Variants in RBFOX1 observed in about 807,000 individuals in gnomAD.
RBFOX1 encodes the protein RNA binding fox-1 homolog 1, also known as RNA binding protein fox-1 homolog 1.
In RBFOX1, 8 loss-of-function variants were observed where a neutral mutation model predicts 57.7. The observed-to-expected ratio is 0.14, with a 90% CI of 0.08 to 0.25. RBFOX1 has a LOEUF of 0.25. Ranked by LOEUF, RBFOX1 falls within the 10% of genes least tolerant of loss-of-function variation. The pLI is 1.00. For missense variants in RBFOX1, 611 were observed against 548.5 expected, an observed-to-expected ratio of 1.11 and a Z score of -1.14; for synonymous variants, 326 against 222.4, an observed-to-expected ratio of 1.47 and a Z score of -4.15.
intron 5 of RBFOX1, 120 bp downstream of exon 5, chr16:7,518,509 G>A: frequency 1.5e-6 from 2 of 1,343,256 alleles, no homozygotes; most frequent in Non-Finnish European, 2.0e-6. Context: ...CAGTCCCTAA[G>A]CCCACCCTCA....
intron 3 of RBFOX1, among the ~76,000 whole-genome samples, chr16:5,673,156 C>T (rs1286939126): frequency 2.0e-5 from 3 of 151,954 alleles, no homozygotes; most frequent in African/African-American, 4.8e-5. Context: ...TATAATTTAG[C>T]ATTAGAAAAG....
intron 3 of RBFOX1, among the ~76,000 whole-genome samples, chr16:5,642,609 C>T (rs7194784): frequency 0.084 from 12,812 of 152,098 alleles, 1,633 homozygotes; most frequent in African/African-American, 0.27. Context: ...TGTGCCTAGC[C>T]GCCCCCCCTT....
chr16:6,307,925 A>G (rs1340970240), intron 1 of RBFOX1, among the ~76,000 whole-genome samples: 1 of 147,886 alleles, frequency 6.8e-6, no homozygotes, highest in Non-Finnish European at 1.5e-5. Flanking sequence ...TTTATAAATT[A>G]TAATCATATA....
chr16:6,846,725 C>G (rs1359064807), intron 3 of RBFOX1, among the ~76,000 whole-genome samples: 1 of 152,142 alleles, frequency 6.6e-6, no homozygotes, highest in Non-Finnish European at 1.5e-5. Context: ...AGGCTGAGCT[C>G]TCAACATGAT....
chr16:6,365,015 A>C (rs1698947187), intron 2 of RBFOX1, among the ~76,000 whole-genome samples: 1 of 152,172 alleles, frequency 6.6e-6, no homozygotes, highest in African/African-American at 2.4e-5. Flanking sequence ...TACCTCCTTC[A>C]CTTGTAGCAT....
At chr16:7,197,509 T>A (rs2087029661) in intron 4 of RBFOX1, among the ~76,000 whole-genome samples, 1 of 150,332 alleles carries the variant, frequency 6.7e-6, no homozygotes, top group Non-Finnish European at 1.5e-5. Flanking sequence ...TGTAAAACTG[T>A]GTGGCCATGC....
At chr16:6,459,078 G>A (rs956023999) in intron 2 of RBFOX1, among the ~76,000 whole-genome samples, 1 of 152,236 alleles carries the variant, frequency 6.6e-6, no homozygotes. Flanking sequence ...GCTCACGCCT[G>A]TAATCCCAGC....
In RBFOX1 at chr16:7,161,135, A is replaced by G. The variant is rs368871188; in HGVS notation, c.27+109037A>G. Reference sequence around the variant, plus strand: ...ATCAAGACCAACCTCTGGGATTACAAAATAATTTTATACCACTTTCTATCT... The same window carrying G: ...ATCAAGACCAACCTCTGGGATTACAGAATAATTTTATACCACTTTCTATCT... On this transcript the variant is annotated intron_variant, in intron 4 of 15. Coordinates refer to ENST00000550418, the MANE Select transcript of RBFOX1 (RefSeq NM_018723.4). Among the ~76,000 whole-genome samples, 14 of 152,220 alleles carry G rather than the reference A, an allele frequency of 9.2e-5. No individual in the cohort carries two copies. The East Asian group carries it at 2.3e-3, about 25-fold the overall frequency.
intron 1 of RBFOX1, among the ~76,000 whole-genome samples, chr16:5,432,992 G>A (rs1019942705): frequency 1.3e-5 from 2 of 152,042 alleles, no homozygotes; most frequent in African/African-American, 4.8e-5. Context: ...CACCATGTTG[G>A]CCAGGGTGGT....
intron 2 of RBFOX1, among the ~76,000 whole-genome samples, chr16:6,468,494 T>C (rs1399251804): frequency 1.5e-4 from 23 of 152,306 alleles, no homozygotes; most frequent in South Asian, 2.1e-4. Flanking sequence ...CTAGAGATTA[T>C]GAGTGATGCA....
At chr16:6,053,734 T>G (rs1003589608) in intron 1 of RBFOX1, among the ~76,000 whole-genome samples, 5 of 152,282 alleles carry the variant, frequency 3.3e-5, no homozygotes, top group African/African-American at 1.2e-4. Flanking sequence ...TGTCTTAGTC[T>G]GTGCCTCACT....
At chr16:7,075,792 G>A (rs1451129171) in intron 4 of RBFOX1, among the ~76,000 whole-genome samples, 1 of 152,124 alleles carries the variant, frequency 6.6e-6, no homozygotes, top group East Asian at 1.9e-4. Context: ...GTTTTAGCCA[G>A]GATGGTCTTG....
intron 3 of RBFOX1, among the ~76,000 whole-genome samples, chr16:5,763,270 A>G (rs558599774): frequency 1.3e-5 from 2 of 152,102 alleles, no homozygotes; most frequent in African/African-American, 2.4e-5. Flanking sequence ...TTTGGCCTGG[A>G]CCCTCCTTAG....
chr16:5,636,536 G>A (rs1016046192), intron 3 of RBFOX1, among the ~76,000 whole-genome samples: 3 of 110,606 alleles, frequency 2.7e-5, no homozygotes, highest in Admixed American at 2.5e-4. Flanking sequence ...GATGGCCAGT[G>A]GCAAGGTCAG....
chr16:7,602,677 T>C (rs569476596), intron 9 of RBFOX1, among the ~76,000 whole-genome samples: 8 of 152,272 alleles, frequency 5.3e-5, no homozygotes, highest in African/African-American at 1.9e-4. Flanking sequence ...TAAGCCCGCA[T>C]GAGCTCTGTA....
chr16:5,721,582 T>A (rs984873411), intron 3 of RBFOX1, among the ~76,000 whole-genome samples: 61 of 152,352 alleles, frequency 4.0e-4, no homozygotes, highest in African/African-American at 1.4e-3. Context: ...GGCCATTGCG[T>A]ATGATGCCAC....
chr16:7,320,146 A>G (rs1845032350), intron 4 of RBFOX1, among the ~76,000 whole-genome samples: 1 of 152,150 alleles, frequency 6.6e-6, no homozygotes, highest in Admixed American at 6.5e-5. Flanking sequence ...AACGTGTGCC[A>G]TGGTGGTTGT....
At chr16:6,891,394 A>T (rs1405842245) in intron 3 of RBFOX1, among the ~76,000 whole-genome samples, 2 of 152,176 alleles carry the variant, frequency 1.3e-5, no homozygotes, top group African/African-American at 2.4e-5. Context: ...CCCAGTTCTG[A>T]AAACCCAGAA....
chr16:6,162,977 A>C (rs1477035173), intron 1 of RBFOX1, among the ~76,000 whole-genome samples: 5 of 152,104 alleles, frequency 3.3e-5, no homozygotes, highest in African/African-American at 1.2e-4. Flanking sequence ...CAGGTGATCC[A>C]CCTGCCTCAC....
Sources: gnomAD v4.1 joint callset for allele counts (sites outside exome capture counted in the v4.1 genomes callset) on GRCh38, gnomAD v4.1.1 for gene constraint, MANE v1.5 for transcripts, NCBI Gene and HGNC (gene_info 2026-07-23, HGNC 2026-07-21) for gene names.